Variants in CACNA1E observed in about 807,000 individuals in gnomAD.
The protein encoded by CACNA1E is voltage-dependent R-type calcium channel subunit alpha-1E.
CACNA1E carries 40 observed loss-of-function variants against 259.2 expected under a neutral mutation model. The ratio of observed to expected loss-of-function variants is 0.15; its 90% CI spans 0.12 to 0.20. CACNA1E has a LOEUF of 0.20. CACNA1E is among the 10% of genes least tolerant of loss of function. CACNA1E has a pLI of 1.00. For missense variants in CACNA1E, 1,874 were observed against 3,040.1 expected (o/e 0.62, Z 9.02); for synonymous variants, 1,104 against 1,138.5 (o/e 0.97, Z 0.61).
intron 30 of CACNA1E, among the ~76,000 whole-genome samples, chr1:181,757,680 T>TA (rs780005124): frequency 6.6e-6 from 1 of 152,222 alleles, no homozygotes; most frequent in Non-Finnish European, 1.5e-5. Context: ...GATTCCTGCC[T>TA]AAACAGCTCA....
chr1:181,591,633 G>A (rs1652653393), intron 6 of CACNA1E, among the ~76,000 whole-genome samples: 1 of 152,064 alleles, frequency 6.6e-6, no homozygotes, highest in African/African-American at 2.4e-5. Context: ...ATGCATGGAT[G>A]TTCTGATAAA....
At position 181,806,875 on chromosome 1, in the gene CACNA1E, G is replaced by A. The variant is rs1662662221; in HGVS notation, c.*8041G>A. On this transcript the variant is annotated 3_prime_UTR_variant, in exon 48 of 48. Transcript: ENST00000367573. ...AGTGAAGCCTGCCAGGACCCTCAGG[G>A]TAAGCTGGCAGCAGGCTCTGCAGCT... 1 of 152,186 alleles carries A rather than the reference G, an allele frequency of 6.6e-6. No individual in the cohort carries two copies. The highest frequency in any genetic ancestry group is 1.5e-5 in the Non-Finnish European group (1 of 68,030). The allele number at this position is 152,186 out of a possible 1,614,324, so 9.4% of individuals were successfully genotyped here. A position where few individuals can be genotyped will look rare whatever the true frequency, so the allele number is the denominator to read the frequency against.
At chr1:181,338,948 GC>G (rs756148802) in intron 1 of CACNA1E, among the ~76,000 whole-genome samples, 5 of 151,682 alleles carry the variant, frequency 3.3e-5, no homozygotes, top group Non-Finnish European at 7.4e-5. Context: ...ATTCTTGGTG[GC>G]CTTGTCAAAA....
chr1:181,740,326 G>A (rs1656448018), intron 25 of CACNA1E, among the ~76,000 whole-genome samples: 1 of 152,194 alleles, frequency 6.6e-6, no homozygotes, highest in Admixed American at 6.5e-5. Flanking sequence ...CCAAGGGTTT[G>A]CCCTTCCAAG....
At chr1:181,653,390 A>T (rs1359082269) in intron 7 of CACNA1E, among the ~76,000 whole-genome samples, 1 of 152,068 alleles carries the variant, frequency 6.6e-6, no homozygotes. Flanking sequence ...TCCCTGTACA[A>T]GCTCTCTTCT....
upstream of CACNA1E, among the ~76,000 whole-genome samples, chr1:181,478,804 C>G (rs1404429208): frequency 6.6e-6 from 1 of 152,232 alleles, no homozygotes; most frequent in African/African-American, 2.4e-5. Flanking sequence ...AATAGGCCAA[C>G]TGCTTCTCCA....
intron 2 of CACNA1E, among the ~76,000 whole-genome samples, chr1:181,448,424 A>C (rs1301632193): frequency 1.3e-5 from 2 of 152,260 alleles, no homozygotes; most frequent in Admixed American, 6.5e-5. Context: ...CGTAGGAGTC[A>C]GGACTCAAGC....
intron 26 of CACNA1E, chr1:181,751,849 G>C: frequency 1.9e-6 from 1 of 533,258 alleles, no homozygotes; most frequent in South Asian, 1.6e-5. Flanking sequence ...ATTAACATAT[G>C]TGCATGGATG....
chr1:181,626,584 GGA>G (rs1355609467), intron 6 of CACNA1E, among the ~76,000 whole-genome samples: 5 of 152,146 alleles, frequency 3.3e-5, no homozygotes, highest in Non-Finnish European at 5.9e-5. Flanking sequence ...ATGGTTTACT[GGA>G]GAAAGATTCT....
At chr1:181,628,196 A>G (rs1020014201) in intron 6 of CACNA1E, among the ~76,000 whole-genome samples, 4 of 152,180 alleles carry the variant, frequency 2.6e-5, no homozygotes, top group African/African-American at 9.7e-5. Context: ...TTCAGGACTG[A>G]TCACTGGGGG....
chr1:181,482,627 C>A (rs1395009070), upstream of CACNA1E, among the ~76,000 whole-genome samples: 1 of 152,276 alleles, frequency 6.6e-6, no homozygotes, highest in Admixed American at 6.5e-5. Context: ...CGCCTCTGCG[C>A]GCCGCTCGCT....
At chr1:181,748,494 C>G (rs1276264055) in intron 25 of CACNA1E, among the ~76,000 whole-genome samples, 1 of 152,130 alleles carries the variant, frequency 6.6e-6, no homozygotes, top group Non-Finnish European at 1.5e-5. Flanking sequence ...CTCTGAGAAC[C>G]TTTTCAGATG....
intron 3 of CACNA1E, among the ~76,000 whole-genome samples, chr1:181,537,761 A>C (rs756637895): frequency 6.6e-6 from 1 of 152,226 alleles, no homozygotes; most frequent in Non-Finnish European, 1.5e-5. Context: ...TACCTGTGCA[A>C]ACACATCTAA....
intron 14 of CACNA1E, 109 bp from the exon 15 acceptor site, chr1:181,720,674 G>A (rs1309544203): frequency 2.6e-5 from 19 of 722,544 alleles, no homozygotes; most frequent in East Asian, 5.4e-5. Context: ...GGAAGAGGGG[G>A]GTTGTAGAAG....
At chr1:181,740,010 G>A (rs533779769) in intron 25 of CACNA1E, among the ~76,000 whole-genome samples, 12 of 152,196 alleles carry the variant, frequency 7.9e-5, no homozygotes, top group Non-Finnish European at 1.5e-4. Flanking sequence ...GAAATGGGAT[G>A]CTTTCAGGGC....
At chr1:181,399,515 C>G (rs960724612) in intron 1 of CACNA1E, among the ~76,000 whole-genome samples, 1 of 152,152 alleles carries the variant, frequency 6.6e-6, no homozygotes, top group African/African-American at 2.4e-5. Flanking sequence ...ATAGAGCTAT[C>G]TAAAGTTGGA....
intron 3 of CACNA1E, among the ~76,000 whole-genome samples, chr1:181,569,743 A>G (rs1650217381): frequency 6.6e-6 from 1 of 152,134 alleles, no homozygotes; most frequent in Non-Finnish European, 1.5e-5. Context: ...ATGTATTAAC[A>G]CCCACTTCTC....
intron 6 of CACNA1E, among the ~76,000 whole-genome samples, chr1:181,599,103 C>A (rs983178931): frequency 6.6e-6 from 1 of 152,034 alleles, no homozygotes; most frequent in South Asian, 2.1e-4. Context: ...CTGAGCCTCT[C>A]CCCCCTCCCC....
At chr1:181,738,293 C>A in intron 23 of CACNA1E, 74 bp from the exon 24 acceptor site, 1 of 1,220,538 alleles carries the variant, frequency 8.2e-7, no homozygotes, top group Non-Finnish European at 1.2e-6. Flanking sequence ...TGCATGTGTC[C>A]TGGCAGGTGG....
Sources: allele counts gnomAD v4.1 joint callset (sites outside exome capture counted in the v4.1 genomes callset), GRCh38; gene constraint gnomAD v4.1.1; transcripts MANE v1.5; gene names NCBI Gene and HGNC (gene_info 2026-07-23, HGNC 2026-07-21).